Variants in CDH19 observed in about 807,000 individuals in gnomAD.
CDH19 encodes cadherin 19.
A neutral mutation model predicts 64.2 loss-of-function variants in CDH19; 67 were observed. The observed-to-expected ratio is 1.04, with a 90% CI of 0.86 to 1.28. The LOEUF (loss-of-function observed/expected upper bound fraction) is 1.28. Among genes scored for constraint, CDH19 ranks in the 50% most tolerant of loss-of-function variants. The pLI is 0.00. For missense variants in CDH19, 1,030 were observed against 929.0 expected (o/e 1.11, Z -1.41); for synonymous variants, 346 against 319.3 (o/e 1.08, Z -0.89).
intron 3 of CDH19, among the ~76,000 whole-genome samples, chr18:66,561,400 C>T (rs186112582): frequency 2.6e-5 from 4 of 152,144 alleles, no homozygotes; most frequent in East Asian, 3.9e-4. Context: ...GGATAGCACA[C>T]AAAATGAAAA....
chr18:66,531,570 C>T lies in CDH19; in HGVS notation c.1337-1604G>A, dbSNP rs564353415. Among the ~76,000 whole-genome samples the T allele has an allele frequency of 5.9e-5, 9 of 152,194 alleles. 1 individual carries two copies. In the Middle Eastern group the frequency reaches 0.01, roughly 173 times the overall value. The stretch of plus-strand genomic sequence containing the variant: ...GGTTGTGGCAGCAGTGAGCTGTGAT[C>T]GGGCTACTGCACTCCAGCCTGGGCT... On this transcript the variant is annotated intron_variant, in intron 8 of 11. Transcript: ENST00000262150.
chr18:66,593,150 T>G (rs548295872), intron 1 of CDH19, among the ~76,000 whole-genome samples: 3 of 151,982 alleles, frequency 2.0e-5, no homozygotes, highest in African/African-American at 7.2e-5. Context: ...CCCTGATGAT[T>G]AGTGATGTTG....
At chr18:66,544,285 A>G (rs961953860) in intron 6 of CDH19, 61 bp from the exon 7 acceptor site, 8 of 1,507,090 alleles carry the variant, frequency 5.3e-6, no homozygotes, top group Non-Finnish European at 7.1e-6. Flanking sequence ...TACTATTTAG[A>G]AAAAAGGTTT....
At chr18:66,568,335 A>T in intron 3 of CDH19, 81 bp downstream of exon 3, 2 of 1,083,302 alleles carry the variant, frequency 1.8e-6, no homozygotes, top group Non-Finnish European at 2.7e-6. Flanking sequence ...CCCTTAAATC[A>T]TCTACTTCCA....
At chr18:66,513,626 T>G (rs1291893921) in intron 9 of CDH19, among the ~76,000 whole-genome samples, 2 of 151,490 alleles carry the variant, frequency 1.3e-5, no homozygotes, top group Non-Finnish European at 3.0e-5. Context: ...AAGGTTTTCA[T>G]TTTCATTTTA....
chr18:66,575,941 T>C (rs564272162), intron 1 of CDH19, among the ~76,000 whole-genome samples: 1 of 151,954 alleles, frequency 6.6e-6, no homozygotes, highest in South Asian at 2.1e-4. Context: ...AGGAATATGC[T>C]ATTTTAAGCT....
chr18:66,505,173 G>T lies in CDH19; in HGVS notation c.1958C>A (p.Ala653Asp), dbSNP rs147142082. 1,550 of 1,613,228 alleles carry T rather than the reference G, an allele frequency of 9.6e-4. 7 individuals carry two copies. The African/African-American group carries it at 0.016, about 17-fold the overall frequency. ...ACTCCTCAGCTCTGCTATATCAAAG[G>T]CCTCTGTATCTTCTTCTCCACCCCC... ...DEGGGEEDTE[A>D]FDIAELRSST... The change falls in exon 12 of 12, where the codon GCC becomes GAC. Residue 653 changes from alanine to aspartate, a missense_variant. Ala to Asp is a moderately radical substitution (Grantham distance 126). Transcript: ENST00000262150.
chr18:66,572,676 A>T (rs1173124835), intron 1 of CDH19, among the ~76,000 whole-genome samples: 1 of 151,694 alleles, frequency 6.6e-6, no homozygotes, highest in African/African-American at 2.4e-5. Context: ...CTATCTCATT[A>T]AAGCAACAGT....
At chr18:66,530,006 T>C in intron 8 of CDH19, 40 bp from the exon 9 acceptor site, 1 of 1,037,838 alleles carries the variant, frequency 9.6e-7, no homozygotes, top group Non-Finnish European at 1.4e-6. Context: ...TAACATATTT[T>C]AATATGTCTT....
At chr18:66,583,866 G>A (rs754474590) in intron 1 of CDH19, among the ~76,000 whole-genome samples, 6 of 151,972 alleles carry the variant, frequency 3.9e-5, no homozygotes, top group Non-Finnish European at 7.4e-5. Flanking sequence ...ATGGATTAAA[G>A]ACTTAAACAT....
intron 3 of CDH19, among the ~76,000 whole-genome samples, chr18:66,567,654 C>T (rs942846064): frequency 4.6e-5 from 7 of 151,752 alleles, no homozygotes; most frequent in African/African-American, 9.7e-5. Flanking sequence ...TAGTTATAAG[C>T]ATGTTACCGT....
intron 7 of CDH19, among the ~76,000 whole-genome samples, chr18:66,542,016 A>G (rs1986905774): frequency 6.6e-6 from 1 of 152,104 alleles, no homozygotes; most frequent in South Asian, 2.1e-4. Flanking sequence ...TAATTTACTC[A>G]CTTGTACTCC....
chr18:66,581,278 T>C (rs895879694), intron 1 of CDH19, among the ~76,000 whole-genome samples: 5 of 152,172 alleles, frequency 3.3e-5, no homozygotes, highest in Non-Finnish European at 5.9e-5. Context: ...AAACTAATTA[T>C]AATCATATTT....
chr18:66,562,472 G>A (rs1202246671), intron 3 of CDH19, among the ~76,000 whole-genome samples: 1 of 151,950 alleles, frequency 6.6e-6, no homozygotes, highest in African/African-American at 2.4e-5. Flanking sequence ...TGCAAACCAT[G>A]AGGAGCGGCT....
At chr18:66,594,281 A>G (rs1409871882) in intron 1 of CDH19, among the ~76,000 whole-genome samples, 1 of 152,178 alleles carries the variant, frequency 6.6e-6, no homozygotes, top group Admixed American at 6.5e-5. Context: ...TTGAAGACCT[A>G]CGAAGAAACT....
intron 9 of CDH19, among the ~76,000 whole-genome samples, chr18:66,516,220 A>G (rs1364330774): frequency 6.6e-6 from 1 of 151,928 alleles, no homozygotes; most frequent in Non-Finnish European, 1.5e-5. Flanking sequence ...ATTTGGGATC[A>G]CATGGTTCCA....
chr18:66,590,517 G>A (rs1468332288), intron 1 of CDH19, among the ~76,000 whole-genome samples: 3 of 116,818 alleles, frequency 2.6e-5, no homozygotes, highest in South Asian at 2.8e-4. Context: ...TCTGGAATAC[G>A]TATATCTTTA....
intron 1 of CDH19, among the ~76,000 whole-genome samples, chr18:66,574,440 A>C (rs1432728426): frequency 1.3e-5 from 2 of 151,616 alleles, no homozygotes; most frequent in East Asian, 3.9e-4. Flanking sequence ...TTAGAGAATA[A>C]TACTACAATG....
chr18:66,572,099 G>A lies in CDH19; in HGVS notation c.106C>T (p.Arg36Ter), dbSNP rs778178307. ...SQTKKVKQPVRSHLRVKRGWV... is the reference protein window; with the variant it reads ...SQTKKVKQPV Reference sequence around the variant, plus strand: ...CCACGCTTCACTCTCAAATGAGATCGCACTGGCTGCTTGACTTTCTTTGTT... The same window carrying A: ...CCACGCTTCACTCTCAAATGAGATCACACTGGCTGCTTGACTTTCTTTGTT... Residue 36 changes from arginine (R) to a stop codon, truncating the protein, a stop_gained, in exon 2 of 12, where the codon CGA becomes TGA. Coordinates refer to ENST00000262150, the MANE Select transcript of CDH19 (RefSeq NM_021153.4). LOFTEE classifies it high-confidence loss of function. 5 of 1,611,402 alleles carry A rather than the reference G, an allele frequency of 3.1e-6. No homozygotes were observed. Among genetic ancestry groups the A allele is most frequent in the Middle Eastern group, 1.7e-4 (1 of 6,042 alleles).
Sources: allele counts gnomAD v4.1 joint callset (sites outside exome capture counted in the v4.1 genomes callset), GRCh38; gene constraint gnomAD v4.1.1; transcripts MANE v1.5; gene names NCBI Gene and HGNC (gene_info 2026-07-23, HGNC 2026-07-21).